The following RNF185 variants were observed in gnomAD, a reference collection of about 807,000 sequenced individuals.
The protein encoded by RNF185 is ring finger protein 185, also known as E3 ubiquitin-protein ligase RNF185.
A neutral mutation model predicts 24.9 loss-of-function variants in RNF185; 13 were observed. The observed-to-expected ratio is 0.52, with a 90% CI of 0.34 to 0.83. The LOEUF (loss-of-function observed/expected upper bound fraction) is 0.83, where lower values mean the gene tolerates loss of function less well. Ranked by LOEUF, RNF185 falls within the 40% of genes least tolerant of loss-of-function variation. RNF185 has a pLI of 0.01. For missense variants in RNF185, 184 were observed against 244.7 expected (o/e 0.75, Z 1.65); for synonymous variants, 79 against 90.3 (o/e 0.88, Z 0.71).
chr22:31,183,602 G>C (rs1300771725), intron 1 of RNF185, among the ~76,000 whole-genome samples: 2 of 152,036 alleles, frequency 1.3e-5, no homozygotes, highest in Non-Finnish European at 2.9e-5. Flanking sequence ...CGAGTATGCT[G>C]CCTTCAAGCA....
intron 1 of RNF185, among the ~76,000 whole-genome samples, chr22:31,170,262 C>A (rs2147924575): frequency 6.6e-6 from 1 of 152,050 alleles, no homozygotes; most frequent in East Asian, 1.9e-4. Context: ...AATCTCTGCT[C>A]ACTGCAAGCT....
At chr22:31,189,740 G>C (rs1034757064) in intron 2 of RNF185, among the ~76,000 whole-genome samples, 3 of 65,922 alleles carry the variant, frequency 4.6e-5, no homozygotes, top group Non-Finnish European at 7.9e-5. Flanking sequence ...CGGGTAGCTG[G>C]GATTACAGGT....
At chr22:31,189,042 C>T (rs1259611638) in intron 2 of RNF185, among the ~76,000 whole-genome samples, 2 of 147,696 alleles carry the variant, frequency 1.4e-5, no homozygotes, top group East Asian at 3.9e-4. Flanking sequence ...AGGAGAATGG[C>T]GTGAACCCGG....
Position 31,187,135 on chromosome 22 carries a change from A to G in RNF185, c.41A>G (p.Asn14Ser). Residue 14 changes from asparagine (N) to serine (S), a missense_variant, in exon 2 of 7, where the codon AAC becomes AGC. Transcript: ENST00000326132. ...CCCTCGGCCTCTGCATCTCCTGAGAACTCCAGTGCAGGGGGGCCCAGTGGG... is the reference window on the plus strand; with the variant it reads ...CCCTCGGCCTCTGCATCTCCTGAGAGCTCCAGTGCAGGGGGGCCCAGTGGG... ...KGPSASASPENSSAGGPSGSS... is the reference protein window; with the variant it reads ...KGPSASASPESSSAGGPSGSS... 1 of 1,612,472 alleles carries G rather than the reference A, an allele frequency of 6.2e-7. No individual in the cohort carries two copies.
chr22:31,197,487 T>G, intron 5 of RNF185, among the ~76,000 whole-genome samples: 2 of 152,324 alleles, frequency 1.3e-5, no homozygotes, highest in Middle Eastern at 6.8e-3. Context: ...TGTTAGACAT[T>G]AGCGGCTTTC....
At chr22:31,176,822 A>G (rs1030095759) in intron 1 of RNF185, among the ~76,000 whole-genome samples, 3 of 152,286 alleles carry the variant, frequency 2.0e-5, no homozygotes, top group Non-Finnish European at 4.4e-5. Flanking sequence ...TATGTCATGT[A>G]ATTGAAATTC....
intron 5 of RNF185, among the ~76,000 whole-genome samples, chr22:31,197,558 A>G (rs2048218296): frequency 6.6e-6 from 1 of 152,094 alleles, no homozygotes; most frequent in African/African-American, 2.4e-5. Flanking sequence ...CATGTTCATT[A>G]TTATTTTATT....
intron 1 of RNF185, among the ~76,000 whole-genome samples, chr22:31,186,001 CAT>C (rs1249621452): frequency 6.6e-6 from 1 of 152,156 alleles, no homozygotes; most frequent in Non-Finnish European, 1.5e-5. Flanking sequence ...TTGTCCAAAA[CAT>C]AGTATGAGTG....
intron 4 of RNF185, 31 bp downstream of exon 4, chr22:31,195,612 T>A (rs1483644161): frequency 5.0e-6 from 7 of 1,395,644 alleles, no homozygotes; most frequent in Admixed American, 1.9e-5. Flanking sequence ...TCCCAACCAC[T>A]TCTCCCCTTG....
chr22:31,161,876 C>CTTTTTTTTTTTTTTTTTTTT (rs35063806), intron 1 of RNF185, among the ~76,000 whole-genome samples: 1 of 127,854 alleles, frequency 7.8e-6, no homozygotes, highest in Non-Finnish European at 1.6e-5. Flanking sequence ...CAAGTTCCAG[C>CTTTTTTTTTTTTTTTTTTTT]TTTTTTTTTT....
At chr22:31,180,354 C>T (rs916445928) in intron 1 of RNF185, among the ~76,000 whole-genome samples, 1 of 151,878 alleles carries the variant, frequency 6.6e-6, no homozygotes, top group Non-Finnish European at 1.5e-5. Context: ...AGCCCAGCTA[C>T]TCAGGAAGCT....
At chr22:31,169,845 C>G (rs571291347) in intron 1 of RNF185, among the ~76,000 whole-genome samples, 1 of 152,302 alleles carries the variant, frequency 6.6e-6, no homozygotes, top group East Asian at 1.9e-4. Context: ...CCACACCCAG[C>G]CTTCAAACCG....
chr22:31,198,865 C>T (rs1227536514), intron 5 of RNF185, among the ~76,000 whole-genome samples: 5 of 149,946 alleles, frequency 3.3e-5, no homozygotes, highest in Admixed American at 6.6e-5. Flanking sequence ...GAGGCTGAGG[C>T]GGGTGGATCA....
intron 1 of RNF185, among the ~76,000 whole-genome samples, chr22:31,179,096 AGAATGGTCAGGGT>A (rs1228456035): frequency 6.6e-6 from 1 of 152,220 alleles, no homozygotes; most frequent in East Asian, 1.9e-4. Flanking sequence ...TCAGGAGAAA[AGAATGGTCAGGGT>A]AGGGACAGAG....
In RNF185 at chr22:31,195,466, C is replaced by T. The variant is rs2048196837; in HGVS notation, c.196-3C>T. On this transcript the variant is annotated splice_region_variant and splice_polypyrimidine_tract_variant and intron_variant, in intron 3 of 6. Coordinates refer to ENST00000326132, the MANE Select transcript of RNF185 (RefSeq NM_152267.4). ...CACATGCATTTTTCTCTCCTGTTTGCAGTGGTTGGAGACCAGACCTAACAG... is the reference window on the plus strand; with the variant it reads ...CACATGCATTTTTCTCTCCTGTTTGTAGTGGTTGGAGACCAGACCTAACAG... 2 of 1,594,838 alleles carry T rather than the reference C, an allele frequency of 1.3e-6. No homozygotes were observed. Among genetic ancestry groups the T allele is most frequent in the East Asian group, 4.5e-5 (2 of 43,962 alleles).
At chr22:31,169,570 A>T (rs911383233) in intron 1 of RNF185, among the ~76,000 whole-genome samples, 4 of 152,040 alleles carry the variant, frequency 2.6e-5, no homozygotes, top group Non-Finnish European at 4.4e-5. Context: ...TTTTTTAAAG[A>T]CAGGGTCTCT....
intron 1 of RNF185, among the ~76,000 whole-genome samples, chr22:31,186,644 C>A (rs775633749): frequency 3.9e-5 from 6 of 152,154 alleles, no homozygotes; most frequent in Non-Finnish European, 8.8e-5. Context: ...CAATCACAAC[C>A]TTCCTGCCTC....
At chr22:31,168,858 T>G (rs1176291460) in intron 1 of RNF185, among the ~76,000 whole-genome samples, 1 of 152,168 alleles carries the variant, frequency 6.6e-6, no homozygotes, top group African/African-American at 2.4e-5. Context: ...TATTTCTTCT[T>G]TGAAGAAATG....
chr22:31,172,715 C>T lies in RNF185; in HGVS notation c.-49+12412C>T, dbSNP rs185519996. On this transcript the variant is annotated intron_variant, in intron 1 of 6. Coordinates refer to ENST00000326132, the MANE Select transcript of RNF185 (RefSeq NM_152267.4). ...AGTGAGCCAAGATCTTGCCACTACA[C>T]TCCAGCCTGAGCAACAGAGTGAGAC... Among the ~76,000 whole-genome samples the T allele has an allele frequency of 3.6e-3, 523 of 145,064 alleles. 3 individuals are homozygous for T. Among genetic ancestry groups the T allele is most frequent in the African/African-American group, 0.012 (461 of 38,644 alleles).
Sources: gnomAD v4.1 joint callset for allele counts (sites outside exome capture counted in the v4.1 genomes callset) on GRCh38, gnomAD v4.1.1 for gene constraint, MANE v1.5 for transcripts, NCBI Gene and HGNC (gene_info 2026-07-23, HGNC 2026-07-21) for gene names.